PDE7B: variants seen among roughly 807,000 people sequenced by gnomAD.
The protein encoded by PDE7B is phosphodiesterase 7B, also known as 3',5'-cyclic-AMP phosphodiesterase 7B.
Under a neutral mutation model 56.2 loss-of-function variants are expected in PDE7B, and 29 were observed. That is an observed-to-expected ratio of 0.52 (90% CI 0.38 to 0.70). The LOEUF (loss-of-function observed/expected upper bound fraction) is 0.70. Among genes scored for constraint, PDE7B ranks in the 30% least tolerant of loss-of-function variants. The pLI is 0.00. For missense variants in PDE7B, 490 were observed against 565.0 expected (o/e 0.87, Z 1.35); for synonymous variants, 197 against 196.9 (o/e 1.00, Z 0.00).
At chr6:136,096,008 TC>T (rs1777466078) in intron 2 of PDE7B, 1 of 152,252 alleles carries the variant, frequency 6.6e-6, no homozygotes, top group Non-Finnish European at 1.5e-5. Context: ...TCTAGGTTTT[TC>T]CATCTGTTTC....
chr6:136,190,338 T>A (rs559009808), intron 12 of PDE7B, among the ~76,000 whole-genome samples: 2 of 152,328 alleles, frequency 1.3e-5, no homozygotes, highest in South Asian at 4.1e-4. Context: ...TAAATCATAT[T>A]TCACATAAGA....
At chr6:136,039,019 A>G (rs1776373400) in intron 2 of PDE7B, among the ~76,000 whole-genome samples, 1 of 152,152 alleles carries the variant, frequency 6.6e-6, no homozygotes. Context: ...TTGGCATGCA[A>G]GCTTTTTATG....
chr6:135,896,345 G>A (rs1583748658), intron 1 of PDE7B, among the ~76,000 whole-genome samples: 1 of 152,070 alleles, frequency 6.6e-6, no homozygotes, highest in Non-Finnish European at 1.5e-5. Context: ...AACCTCCCTT[G>A]GTTCCTAAGA....
intron 3 of PDE7B, chr6:136,117,265 G>A (rs1172027750): frequency 2.6e-5 from 4 of 152,128 alleles, no homozygotes; most frequent in Non-Finnish European, 5.9e-5. Context: ...TGACTTGTTT[G>A]TTCAATAAAA....
At chr6:135,920,534 T>C (rs1004370684) in intron 1 of PDE7B, among the ~76,000 whole-genome samples, 3 of 152,162 alleles carry the variant, frequency 2.0e-5, no homozygotes. Context: ...TCTGGACTAT[T>C]TTTGTGTCAC....
intron 1 of PDE7B, among the ~76,000 whole-genome samples, chr6:135,941,304 G>C (rs538327137): frequency 6.6e-6 from 1 of 152,208 alleles, no homozygotes; most frequent in South Asian, 2.1e-4. Context: ...GGTTCTTTTT[G>C]TTCTGGTTGA....
At chr6:136,093,762 G>C (rs954022783) in intron 2 of PDE7B, among the ~76,000 whole-genome samples, 2 of 152,160 alleles carry the variant, frequency 1.3e-5, no homozygotes, top group African/African-American at 4.8e-5. Context: ...TGCAGGACCT[G>C]GTTTACAGGG....
At chr6:135,901,269 A>G (rs1364559999) in intron 1 of PDE7B, among the ~76,000 whole-genome samples, 2 of 152,154 alleles carry the variant, frequency 1.3e-5, no homozygotes, top group African/African-American at 2.4e-5. Flanking sequence ...ATAAGTAACA[A>G]TGTATACTCA....
chr6:135,975,150 T>A (rs1048101364), intron 2 of PDE7B, among the ~76,000 whole-genome samples: 1 of 152,060 alleles, frequency 6.6e-6, no homozygotes, highest in Non-Finnish European at 1.5e-5. Flanking sequence ...TTTTTTTTGT[T>A]TTGTTTTTTG....
chr6:136,118,207 G>A (rs1777872100), intron 3 of PDE7B, among the ~76,000 whole-genome samples: 1 of 151,970 alleles, frequency 6.6e-6, no homozygotes, highest in African/African-American at 2.4e-5. Context: ...TCAAGCCCTG[G>A]CCCCATCATT....
chr6:136,180,393 G>T (rs1163685073), intron 10 of PDE7B, among the ~76,000 whole-genome samples: 1 of 152,146 alleles, frequency 6.6e-6, no homozygotes, highest in Non-Finnish European at 1.5e-5. Flanking sequence ...GGCAGAGGCT[G>T]GAGGAGGCTT....
At chr6:135,911,088 A>G (rs1776204369) in intron 1 of PDE7B, among the ~76,000 whole-genome samples, 1 of 152,250 alleles carries the variant, frequency 6.6e-6, no homozygotes, top group African/African-American at 2.4e-5. Flanking sequence ...AGAATTAAAA[A>G]GCAAAAACAT....
intron 2 of PDE7B, among the ~76,000 whole-genome samples, chr6:136,050,214 TAA>T (rs1298636673): frequency 4.6e-5 from 7 of 152,236 alleles, no homozygotes; most frequent in African/African-American, 1.7e-4. Context: ...TGGCACTATA[TAA>T]GTGTGTAGTG....
At chr6:136,181,409 T>C (rs1779064870) in intron 11 of PDE7B, 86 bp downstream of exon 11, 1 of 830,806 alleles carries the variant, frequency 1.2e-6, no homozygotes, top group African/African-American at 1.7e-5. Context: ...GGCTGATCTA[T>C]CATGACATTT....
rs184170988 is a variant in PDE7B at position 135,991,487 on chromosome 6, C to T, written c.82+43963C>T. ...GTTCTCTTACTCTTCTTCATTTCTC[C>T]TCCCTACAACTCACATTCGCCAATA... On this transcript the variant is annotated intron_variant, in intron 2 of 12. Coordinates refer to ENST00000308191, the MANE Select transcript of PDE7B (RefSeq NM_018945.4). 1.5e-3 allele frequency among the ~76,000 whole-genome samples: 224 copies of T among 152,204 alleles called. 1 individual carries two copies. Among genetic ancestry groups the T allele is most frequent in the African/African-American group, 5.2e-3 (215 of 41,532 alleles).
At chr6:135,938,010 T>A (rs1774450953) in intron 1 of PDE7B, among the ~76,000 whole-genome samples, 1 of 152,218 alleles carries the variant, frequency 6.6e-6, no homozygotes, top group Non-Finnish European at 1.5e-5. Flanking sequence ...ATATTACATT[T>A]CTGTAGAGGA....
chr6:136,111,322 C>T (rs965738632), intron 3 of PDE7B, among the ~76,000 whole-genome samples: 11 of 152,094 alleles, frequency 7.2e-5, no homozygotes, highest in African/African-American at 2.4e-4. Context: ...TAAAGGGTCT[C>T]CTCGAAAACA....
chr6:136,178,907 T>A, intron 9 of PDE7B, 90 bp from the exon 10 acceptor site: 1 of 1,377,106 alleles, frequency 7.3e-7, no homozygotes, highest in Non-Finnish European at 1.0e-6. Context: ...GAAATTAGAT[T>A]ACAAGCCACC....
intron 2 of PDE7B, among the ~76,000 whole-genome samples, chr6:135,972,872 C>CT (rs1300842379): frequency 6.6e-6 from 1 of 152,124 alleles, no homozygotes; most frequent in East Asian, 1.9e-4. Flanking sequence ...TTCAGAAATA[C>CT]TTTTTAAAAA....
Sources: gnomAD v4.1 joint callset for allele counts (sites outside exome capture counted in the v4.1 genomes callset) on GRCh38, gnomAD v4.1.1 for gene constraint, MANE v1.5 for transcripts, NCBI Gene and HGNC (gene_info 2026-07-23, HGNC 2026-07-21) for gene names.